The following FIGN variants were observed in gnomAD, a reference collection of about 807,000 sequenced individuals.
FIGN encodes the protein fidgetin.
A neutral mutation model predicts 51.3 loss-of-function variants in FIGN; 11 were observed. That is an observed-to-expected ratio of 0.21 (90% confidence interval 0.13 to 0.35). The LOEUF is 0.35. Among genes scored for constraint, FIGN ranks in the 10% least tolerant of loss-of-function variants. The pLI, the probability that FIGN is intolerant of heterozygous loss-of-function variation, is 1.00. For missense variants in FIGN, 857 were observed against 943.6 expected, an observed-to-expected ratio of 0.91 and a Z score of 1.20; for synonymous variants, 407 against 363.2, an observed-to-expected ratio of 1.12 and a Z score of -1.37.
chr2:163,617,536 GTT>G (rs1159710061), intron 2 of FIGN, among the ~76,000 whole-genome samples: 1 of 152,066 alleles, frequency 6.6e-6, no homozygotes, highest in Admixed American at 6.6e-5. Flanking sequence ...TTCGATTGAT[GTT>G]TCACTTATAA....
chr2:163,671,725 C>G (rs1038477967), intron 2 of FIGN, among the ~76,000 whole-genome samples: 1 of 152,102 alleles, frequency 6.6e-6, no homozygotes, highest in African/African-American at 2.4e-5. Context: ...GCCAAACACC[C>G]ATAAAAATGT....
intron 2 of FIGN, among the ~76,000 whole-genome samples, chr2:163,633,731 C>T (rs9679689): frequency 0.25 from 38,521 of 151,954 alleles, 5,213 homozygotes; most frequent in African/African-American, 0.31. Context: ...TTCTAGAGAC[C>T]TCATGTATGG....
intron 2 of FIGN, among the ~76,000 whole-genome samples, chr2:163,710,124 A>G (rs1684564623): frequency 1.3e-5 from 2 of 152,200 alleles, no homozygotes; most frequent in South Asian, 4.1e-4. Context: ...AAGTAGTGCT[A>G]TCAATTAGTG....
rs150383965 is a variant in FIGN at position 163,638,215 on chromosome 2, G to A, written c.26-26409C>T. Among the ~76,000 whole-genome samples the A allele has an allele frequency of 2.2e-3, 337 of 151,824 alleles. 1 individual carries two copies. Among genetic ancestry groups the A allele is most frequent in the Admixed American group, 5.9e-3 (89 of 15,186 alleles). On this transcript the variant is annotated intron_variant, in intron 2 of 2. Coordinates refer to ENST00000333129, the MANE Select transcript of FIGN (RefSeq NM_018086.4). Reference sequence around the variant, plus strand: ...GCCCTTCTACGCTAGTGTGAGAGTCGCCAAAGACTTGTATGAGCAGGAATC... The same window carrying A: ...GCCCTTCTACGCTAGTGTGAGAGTCACCAAAGACTTGTATGAGCAGGAATC...
intron 2 of FIGN, among the ~76,000 whole-genome samples, chr2:163,644,704 T>A (rs1683356103): frequency 6.6e-6 from 1 of 152,084 alleles, no homozygotes; most frequent in Non-Finnish European, 1.5e-5. Context: ...TAGGAATGGA[T>A]TAAAAAAAGT....
In FIGN at chr2:163,720,963, A is replaced by C. The variant is rs556180579; in HGVS notation, c.25+13940T>G. On this transcript the variant is annotated intron_variant, in intron 2 of 2. Coordinates refer to ENST00000333129, the MANE Select transcript of FIGN (RefSeq NM_018086.4). Reference sequence around the variant, plus strand: ...TTACTGACAGCTGTCAACTATGCATATAGGGTCAAAATAAATAAATAAGTA... The same window carrying C: ...TTACTGACAGCTGTCAACTATGCATCTAGGGTCAAAATAAATAAATAAGTA... 8.9e-4 allele frequency among the ~76,000 whole-genome samples: 136 copies of C among 152,240 alleles called. 1 individual carries two copies. The South Asian group carries it at 0.015, about 17-fold the overall frequency.
rs1684993832 is a variant in FIGN at position 163,735,058 on chromosome 2, A to C, written c.-131T>G. ...GCCTTGAAACGTGGGCCCTTTCGTC[A>C]GGTATTCATTTAACCTACATGCATA... On this transcript the variant is annotated 5_prime_UTR_variant, in exon 2 of 3. An upstream open reading frame in the 5' UTR loses its in-frame stop. Coordinates refer to ENST00000333129, the MANE Select transcript of FIGN (RefSeq NM_018086.4). 2.5e-6 allele frequency: 2 copies of C among 809,128 alleles called. No homozygotes were observed. Among genetic ancestry groups the C allele is most frequent in the African/African-American group, 3.5e-5 (2 of 56,786 alleles). The allele number at this position is 809,128 out of a possible 1,614,324, so 50.1% of individuals were successfully genotyped here. A position where few individuals can be genotyped will look rare whatever the true frequency, so the allele number is the denominator to read the frequency against.
chr2:163,733,549 C>A (rs79448604), intron 2 of FIGN, among the ~76,000 whole-genome samples: 1 of 152,228 alleles, frequency 6.6e-6, no homozygotes, highest in South Asian at 2.1e-4. Flanking sequence ...TTCGCTCCAA[C>A]AGCTCCGGGG....
intron 2 of FIGN, among the ~76,000 whole-genome samples, chr2:163,671,344 C>A (rs1683872034): frequency 6.6e-6 from 1 of 152,122 alleles, no homozygotes. Context: ...TTGAAGAGAT[C>A]ATGCAGAAGA....
intron 2 of FIGN, among the ~76,000 whole-genome samples, chr2:163,615,382 T>A (rs1426509229): frequency 6.6e-6 from 1 of 152,186 alleles, no homozygotes; most frequent in East Asian, 1.9e-4. Context: ...TTCAGGAGAT[T>A]GTCTTGGCCT....
intron 2 of FIGN, among the ~76,000 whole-genome samples, chr2:163,647,407 A>G (rs1438038579): frequency 6.6e-6 from 1 of 152,212 alleles, no homozygotes; most frequent in Non-Finnish European, 1.5e-5. Context: ...AAAGAACTTT[A>G]TCATAAAATG....
intron 2 of FIGN, among the ~76,000 whole-genome samples, chr2:163,616,045 G>A (rs1219266660): frequency 1.3e-5 from 2 of 150,604 alleles, no homozygotes; most frequent in Non-Finnish European, 3.0e-5. Context: ...TTATTGTTAT[G>A]GGATGACTCC....
chr2:163,618,816 A>C (rs552303143), intron 2 of FIGN, among the ~76,000 whole-genome samples: 1 of 152,218 alleles, frequency 6.6e-6, no homozygotes, highest in South Asian at 2.1e-4. Context: ...CAGGCATTTA[A>C]ATTTAGGACT....
At chr2:163,658,364 G>GCTCT (rs55894952) in intron 2 of FIGN, among the ~76,000 whole-genome samples, 2,110 of 137,536 alleles carry the variant, frequency 0.015, 36 homozygotes, top group African/African-American at 0.035. Flanking sequence ...TTAAGAAACA[G>GCTCT]CTCTCTCTCT....
At chr2:163,613,181 T>C (rs1055682359) in intron 2 of FIGN, among the ~76,000 whole-genome samples, 3 of 152,022 alleles carry the variant, frequency 2.0e-5, no homozygotes, top group Admixed American at 2.0e-4. Context: ...CCTGTTCTCC[T>C]TTTTCCCATT....
chr2:163,733,235 GA>G (rs751283144), intron 2 of FIGN, among the ~76,000 whole-genome samples: 2 of 152,156 alleles, frequency 1.3e-5, no homozygotes, highest in African/African-American at 2.4e-5. Flanking sequence ...AGAGACTTAA[GA>G]GGGGGGCAAT....
intron 2 of FIGN, among the ~76,000 whole-genome samples, chr2:163,633,738 A>G (rs570902874): frequency 2.0e-5 from 3 of 152,284 alleles, no homozygotes; most frequent in South Asian, 4.1e-4. Context: ...GACCTCATGT[A>G]TGGCTGAAGT....
intron 2 of FIGN, among the ~76,000 whole-genome samples, chr2:163,614,009 C>A (rs748062839): frequency 1.3e-5 from 2 of 151,948 alleles, no homozygotes; most frequent in Non-Finnish European, 2.9e-5. Flanking sequence ...CCTCAACTAC[C>A]CCCAAAATTC....
At chr2:163,675,638 G>C (rs1683946105) in intron 2 of FIGN, among the ~76,000 whole-genome samples, 1 of 146,764 alleles carries the variant, frequency 6.8e-6, no homozygotes. Flanking sequence ...CAGCCCTTGT[G>C]TTTCTAGCAT....
Sources: gnomAD v4.1 joint callset for allele counts (sites outside exome capture counted in the v4.1 genomes callset) on GRCh38, gnomAD v4.1.1 for gene constraint, MANE v1.5 for transcripts, NCBI Gene and HGNC (gene_info 2026-07-23, HGNC 2026-07-21) for gene names.